Variants in ELP4 observed in about 807,000 individuals in gnomAD.
ELP4 encodes the protein elongator complex protein 4.
A neutral mutation model predicts 48.9 loss-of-function variants in ELP4; 51 were observed. That is an observed-to-expected ratio of 1.04 (90% CI 0.83 to 1.32). ELP4 has a LOEUF of 1.32. Among genes scored for constraint, ELP4 ranks in the 40% most tolerant of loss-of-function variants. The pLI, the probability that ELP4 is intolerant of heterozygous loss-of-function variation, is 0.00. For missense variants in ELP4, 519 were observed against 514.6 expected (o/e 1.01, Z -0.08); for synonymous variants, 210 against 189.2 (o/e 1.11, Z -0.90).
chr11:31,741,665 A>G (rs1408777349), intron 9 of ELP4, among the ~76,000 whole-genome samples: 1 of 152,232 alleles, frequency 6.6e-6, no homozygotes, highest in Admixed American at 6.5e-5. Context: ...GCAAACTCCA[A>G]CAGACCTACA....
In ELP4 at chr11:31,652,587, C is replaced by T. The variant is rs1001424392; in HGVS notation, c.1143+2366C>T. 2 of 151,696 alleles carry T rather than the reference C, an allele frequency of 1.3e-5. 1 individual carries two copies. 9.4% of individuals were successfully genotyped at this position (151,696 alleles called of 1,614,324 possible). On this transcript the variant is annotated intron_variant, in intron 9 of 9. Transcript: ENST00000640961. ...TTAATACTCACAACAAATAAATGTTCTTTTTAAATGTCCTCATATTTTTTT... is the reference window on the plus strand; with the variant it reads ...TTAATACTCACAACAAATAAATGTTTTTTTTAAATGTCCTCATATTTTTTT...
At chr11:31,770,733 T>C (rs1342388149) in intron 9 of ELP4, among the ~76,000 whole-genome samples, 2 of 150,248 alleles carry the variant, frequency 1.3e-5, no homozygotes, top group Non-Finnish European at 3.0e-5. Flanking sequence ...CTGGGCAACA[T>C]AGTAAGACGC....
intron 9 of ELP4, among the ~76,000 whole-genome samples, chr11:31,782,459 G>T (rs2134288629): frequency 6.6e-6 from 1 of 152,290 alleles, no homozygotes; most frequent in South Asian, 2.1e-4. Context: ...ACACCACTTT[G>T]TGTCTCACAC....
intron 5 of ELP4, 32 bp from the exon 6 acceptor site, chr11:31,627,078 T>C: frequency 7.8e-7 from 1 of 1,288,510 alleles, no homozygotes; most frequent in East Asian, 2.3e-5. Flanking sequence ...AATAACCCAT[T>C]TATGTATTTG....
intron 7 of ELP4, chr11:31,646,505 G>C (rs1282576382): frequency 6.6e-6 from 1 of 151,546 alleles, no homozygotes; most frequent in Non-Finnish European, 1.5e-5. Context: ...TTCATTCTTA[G>C]GCCATCTTTA....
chr11:31,604,298 T>A (rs2134003457), intron 5 of ELP4, among the ~76,000 whole-genome samples: 1 of 151,988 alleles, frequency 6.6e-6, no homozygotes, highest in South Asian at 2.1e-4. Context: ...TAGTGTCGTT[T>A]GCTTAATTTA....
chr11:31,634,645 T>C (rs977832462), intron 7 of ELP4, among the ~76,000 whole-genome samples: 1 of 151,974 alleles, frequency 6.6e-6, no homozygotes, highest in Non-Finnish European at 1.5e-5. Flanking sequence ...ACTGATTAAA[T>C]AATGAGTGAA....
At chr11:31,533,917 G>C (rs567298417) in intron 2 of ELP4, among the ~76,000 whole-genome samples, 1 of 152,010 alleles carries the variant, frequency 6.6e-6, no homozygotes, top group South Asian at 2.1e-4. Context: ...CTCACTGCAA[G>C]CTCCTCCTCC....
intron 9 of ELP4, among the ~76,000 whole-genome samples, chr11:31,693,258 A>G (rs570188245): frequency 6.6e-6 from 1 of 152,200 alleles, no homozygotes; most frequent in South Asian, 2.1e-4. Flanking sequence ...TGCTGTACCC[A>G]TTAACTCGTC....
At chr11:31,544,279 A>G (rs1341367442) in intron 3 of ELP4, among the ~76,000 whole-genome samples, 1 of 152,214 alleles carries the variant, frequency 6.6e-6, no homozygotes, top group Admixed American at 6.5e-5. Flanking sequence ...CACCTGGAAA[A>G]TCGGGTCACT....
intron 3 of ELP4, among the ~76,000 whole-genome samples, chr11:31,540,097 T>A (rs1019440388): frequency 1.3e-5 from 2 of 152,182 alleles, no homozygotes; most frequent in African/African-American, 4.8e-5. Context: ...TAGCAAAAAA[T>A]TCTAGTTTAC....
chr11:31,519,666 A>T (rs940739843), intron 1 of ELP4, among the ~76,000 whole-genome samples: 23 of 152,228 alleles, frequency 1.5e-4, no homozygotes, highest in African/African-American at 5.5e-4. Flanking sequence ...CTCTGCTAAA[A>T]ATACAAAAAT....
chr11:31,775,593 C>G (rs112349188), intron 9 of ELP4, among the ~76,000 whole-genome samples: 48,512 of 151,928 alleles, frequency 0.32, 8,147 homozygotes, highest in Non-Finnish European at 0.37. Context: ...TCAGCACTTT[C>G]GGAGGCCAAG....
chr11:31,778,734 A>C (rs373120132), intron 9 of ELP4, among the ~76,000 whole-genome samples: 12 of 152,236 alleles, frequency 7.9e-5, no homozygotes, highest in East Asian at 7.7e-4. Flanking sequence ...GGCAGGTATC[A>C]AACTGTCACT....
rs200519189 is a variant in ELP4 at position 31,713,922 on chromosome 11, CA to C, written c.1143+63703del. ...AATGCAAATAACAAACAATAATGTGCAATAGAAGCTAAAATGTAGTTAGAGA... is the reference window on the plus strand; with the variant it reads ...AATGCAAATAACAAACAATAATGTGCATAGAAGCTAAAATGTAGTTAGAGA... On this transcript the variant is annotated intron_variant, in intron 9 of 9. Coordinates refer to ENST00000640961, the MANE Select transcript of ELP4 (RefSeq NM_019040.5). 3.8e-3 allele frequency among the ~76,000 whole-genome samples: 571 copies of C among 152,038 alleles called. 10 individuals are homozygous for C. Among genetic ancestry groups the C allele is most frequent in the Admixed American group, 0.033 (499 of 15,258 alleles).
intron 3 of ELP4, among the ~76,000 whole-genome samples, chr11:31,544,851 C>A (rs528197761): frequency 1.5e-4 from 23 of 152,282 alleles, no homozygotes; most frequent in Admixed American, 9.2e-4. Context: ...TCACGAAAAA[C>A]CACTGTTCTG....
intron 3 of ELP4, among the ~76,000 whole-genome samples, chr11:31,557,303 A>G (rs1455874396): frequency 2.0e-5 from 3 of 151,942 alleles, no homozygotes; most frequent in Non-Finnish European, 4.4e-5. Flanking sequence ...GATTCATTGT[A>G]CCTTATATAT....
intron 9 of ELP4, among the ~76,000 whole-genome samples, chr11:31,722,573 T>C (rs1946987039): frequency 6.6e-6 from 1 of 151,786 alleles, no homozygotes; most frequent in Non-Finnish European, 1.5e-5. Context: ...CCAGTGAAAA[T>C]GAAAATGTGG....
At chr11:31,703,306 A>G (rs767304538) in intron 9 of ELP4, among the ~76,000 whole-genome samples, 23 of 152,136 alleles carry the variant, frequency 1.5e-4, no homozygotes, top group Non-Finnish European at 2.5e-4. Context: ...TTTATTGCCC[A>G]GCTATCCCCA....
Sources: allele counts gnomAD v4.1 joint callset (sites outside exome capture counted in the v4.1 genomes callset), GRCh38; gene constraint gnomAD v4.1.1; transcripts MANE v1.5; gene names NCBI Gene and HGNC (gene_info 2026-07-23, HGNC 2026-07-21).